Variants in ADAMTSL1 observed in about 807,000 individuals in gnomAD.
ADAMTSL1 encodes the protein ADAMTS-like protein 1.
A neutral mutation model predicts 201.8 loss-of-function variants in ADAMTSL1; 126 were observed. The observed-to-expected ratio is 0.62, with a 90% confidence interval of 0.54 to 0.72. ADAMTSL1 has a LOEUF of 0.72. Among genes scored for constraint, ADAMTSL1 ranks in the 30% least tolerant of loss-of-function variants. The probability of loss-of-function intolerance (pLI) is 0.00; values close to 1 mark genes in which losing one functional copy is unlikely to be tolerated. For missense variants in ADAMTSL1, 2,679 were observed against 2,277.8 expected, an observed-to-expected ratio of 1.18 and a Z score of -3.59; for synonymous variants, 1,121 against 903.4, an observed-to-expected ratio of 1.24 and a Z score of -4.32.
intron 2 of ADAMTSL1, among the ~76,000 whole-genome samples, chr9:18,211,429 A>G (rs913997898): frequency 6.6e-6 from 1 of 152,174 alleles, no homozygotes; most frequent in Non-Finnish European, 1.5e-5. Flanking sequence ...CCATTGTTCT[A>G]AAACAAAAAT....
chr9:18,674,008 T>C (rs1020358891), intron 9 of ADAMTSL1, among the ~76,000 whole-genome samples: 2 of 152,026 alleles, frequency 1.3e-5, no homozygotes, highest in African/African-American at 2.4e-5. Context: ...TGAGGAACGA[T>C]TGAGCTTTCA....
chr9:18,477,614 G>C (rs1256825285), intron 1 of ADAMTSL1, among the ~76,000 whole-genome samples: 2 of 152,138 alleles, frequency 1.3e-5, no homozygotes, highest in African/African-American at 4.8e-5. Flanking sequence ...TTCTATAATT[G>C]TTCACTCTAC....
chr9:18,653,218 G>C (rs1828406136), intron 7 of ADAMTSL1, among the ~76,000 whole-genome samples: 1 of 152,164 alleles, frequency 6.6e-6, no homozygotes. Flanking sequence ...GAGAGTTGCA[G>C]ATCCCTGCCC....
At chr9:18,622,160 G>T in intron 4 of ADAMTSL1, 83 bp from the exon 5 acceptor site, 1 of 1,548,686 alleles carries the variant, frequency 6.5e-7, no homozygotes, top group African/African-American at 1.4e-5. Context: ...TGAAGGGAGG[G>T]TTATTTCATG....
At chr9:18,786,281 G>A (rs1395845754) in intron 19 of ADAMTSL1, among the ~76,000 whole-genome samples, 1 of 152,110 alleles carries the variant, frequency 6.6e-6, no homozygotes, top group Non-Finnish European at 1.5e-5. Context: ...GGGCCTAGGT[G>A]TTCCCAGCTT....
chr9:18,102,097 A>G (rs1479164371), intron 1 of ADAMTSL1, among the ~76,000 whole-genome samples: 3 of 152,186 alleles, frequency 2.0e-5, no homozygotes, highest in African/African-American at 7.2e-5. Context: ...TTCAAAAGAC[A>G]TGTCTGTTTT....
intron 2 of ADAMTSL1, among the ~76,000 whole-genome samples, chr9:18,456,751 G>A (rs1464984090): frequency 2.0e-5 from 3 of 152,198 alleles, no homozygotes; most frequent in East Asian, 3.9e-4. Flanking sequence ...CCACCTTCCT[G>A]TTCACTGTGA....
intron 8 of ADAMTSL1, among the ~76,000 whole-genome samples, 163 bp from the exon 9 acceptor site, chr9:18,661,772 G>T (rs148625476): frequency 1.3e-5 from 2 of 152,166 alleles, no homozygotes; most frequent in African/African-American, 2.4e-5. Flanking sequence ...AGTACTTGAG[G>T]TCTGCAAAAA....
At chr9:18,322,019 T>G (rs888473110) in intron 2 of ADAMTSL1, among the ~76,000 whole-genome samples, 6 of 152,146 alleles carry the variant, frequency 3.9e-5, no homozygotes, top group Non-Finnish European at 8.8e-5. Flanking sequence ...ATTTGAAAAT[T>G]AAACATATAT....
intron 1 of ADAMTSL1, among the ~76,000 whole-genome samples, chr9:17,983,846 A>G (rs1818818096): frequency 1.3e-5 from 2 of 152,178 alleles, no homozygotes. Context: ...TGTAAAATGT[A>G]GTGTAAAATG....
intron 2 of ADAMTSL1, among the ~76,000 whole-genome samples, chr9:18,314,843 C>G (rs1834308708): frequency 8.1e-6 from 1 of 123,382 alleles, no homozygotes. Context: ...GTCGCCCAGG[C>G]TGGAGTGCAG....
At chr9:18,181,472 C>T (rs1480539102) in intron 2 of ADAMTSL1, among the ~76,000 whole-genome samples, 15 of 151,730 alleles carry the variant, frequency 9.9e-5, no homozygotes, top group Admixed American at 3.3e-4. Context: ...AAAAAGTGGG[C>T]GAAGGATATG....
At chr9:18,680,168 C>T in intron 10 of ADAMTSL1, 144 bp from the exon 11 acceptor site, 3 of 738,620 alleles carry the variant, frequency 4.1e-6, no homozygotes, top group South Asian at 1.9e-5. Context: ...AGGTTTCAGG[C>T]AATAGATGGC....
chr9:18,836,783 T>C (rs1588198133), intron 23 of ADAMTSL1, among the ~76,000 whole-genome samples: 2 of 152,340 alleles, frequency 1.3e-5, no homozygotes, highest in South Asian at 4.1e-4. Flanking sequence ...TTCAGCATTG[T>C]GTTTCATAGT....
intron 2 of ADAMTSL1, among the ~76,000 whole-genome samples, chr9:18,177,320 T>C (rs570479288): frequency 1.4e-4 from 21 of 152,312 alleles, no homozygotes; most frequent in African/African-American, 4.8e-4. Flanking sequence ...TTGTTATTAA[T>C]AGTAGAAGAA....
chr9:18,495,711 G>C (rs1822499703), intron 1 of ADAMTSL1, among the ~76,000 whole-genome samples: 1 of 152,182 alleles, frequency 6.6e-6, no homozygotes, highest in Non-Finnish European at 1.5e-5. Context: ...AAGTCATCTA[G>C]GTTGCAGGTA....
intron 20 of ADAMTSL1, among the ~76,000 whole-genome samples, chr9:18,813,308 G>A (rs986329239): frequency 6.6e-6 from 1 of 152,122 alleles, no homozygotes; most frequent in Admixed American, 6.6e-5. Context: ...GCTATTTGGG[G>A]TATTTTATGG....
intron 2 of ADAMTSL1, among the ~76,000 whole-genome samples, chr9:18,205,595 C>T (rs975184916): frequency 3.3e-5 from 5 of 152,020 alleles, no homozygotes; most frequent in South Asian, 2.1e-4. Flanking sequence ...GTTCCACAGG[C>T]GAAAAGCAAG....
At chr9:17,917,271 C>A (rs760505909) in intron 1 of ADAMTSL1, among the ~76,000 whole-genome samples, 1 of 152,022 alleles carries the variant, frequency 6.6e-6, no homozygotes, top group Non-Finnish European at 1.5e-5. Flanking sequence ...ACACTACCTT[C>A]GAACCTCCAG....
Sources: gnomAD v4.1 joint callset for allele counts (sites outside exome capture counted in the v4.1 genomes callset) on GRCh38, gnomAD v4.1.1 for gene constraint, MANE v1.5 for transcripts, NCBI Gene and HGNC (gene_info 2026-07-23, HGNC 2026-07-21) for gene names.